The following PARVA variants were observed in gnomAD, a reference collection of about 807,000 sequenced individuals.
PARVA encodes parvin alpha.
Under a neutral mutation model 52.6 loss-of-function variants are expected in PARVA, and 25 were observed. The observed-to-expected ratio is 0.48, with a 90% CI of 0.35 to 0.66. The LOEUF (loss-of-function observed/expected upper bound fraction) is 0.66, where lower values mean the gene tolerates loss of function less well. PARVA is among the 30% of genes least tolerant of loss of function. The pLI is 0.01. For synonymous variants in PARVA, 185 were observed against 179.1 expected, an observed-to-expected ratio of 1.03 and a Z score of -0.26; for missense variants, 373 against 450.9, an observed-to-expected ratio of 0.83 and a Z score of 1.56.
At chr11:12,417,803 C>T (rs1385597445) in intron 1 of PARVA, among the ~76,000 whole-genome samples, 1 of 152,206 alleles carries the variant, frequency 6.6e-6, no homozygotes, top group Non-Finnish European at 1.5e-5. Flanking sequence ...CCCCCGGGTG[C>T]CAAGCCTTCC....
chr11:12,469,503 T>C (rs999149091), intron 1 of PARVA, among the ~76,000 whole-genome samples: 3 of 152,214 alleles, frequency 2.0e-5, no homozygotes, highest in Admixed American at 2.0e-4. Context: ...CTCTTTCTCT[T>C]TCAGTGCGTG....
rs1421470990 is a variant in PARVA at position 12,535,240 on chromosome 11, C to A, written c.*7315C>A. 6.6e-6 allele frequency among the ~76,000 whole-genome samples: 1 copy of A among 152,214 alleles called. No individual in the cohort carries two copies. Among genetic ancestry groups the A allele is most frequent in the East Asian group, 1.9e-4 (1 of 5,194 alleles). On this transcript the variant is annotated 3_prime_UTR_variant, in exon 13 of 13. Coordinates refer to ENST00000334956, the MANE Select transcript of PARVA (RefSeq NM_018222.5). ...CCTGTGAGGGAGACCAAGCTCACCA[C>A]CAAGGGCTTTTGCCAGATTGCTTTC...
chr11:12,419,816 A>G (rs1391897023), intron 1 of PARVA, among the ~76,000 whole-genome samples: 2 of 152,202 alleles, frequency 1.3e-5, no homozygotes, highest in African/African-American at 2.4e-5. Context: ...CCTAATGGAT[A>G]TGAAGCAGAG....
intron 12 of PARVA, 126 bp downstream of exon 12, chr11:12,518,643 G>T (rs1305625326): frequency 1.4e-6 from 1 of 724,316 alleles, no homozygotes; most frequent in Middle Eastern, 2.5e-4. Context: ...GTGGGACTCG[G>T]TGCAGCTGCT....
chr11:12,532,404 G>A lies in PARVA; in HGVS notation c.*4479G>A, dbSNP rs1014192962. On this transcript the variant is annotated 3_prime_UTR_variant, in exon 13 of 13. Coordinates refer to ENST00000334956, the MANE Select transcript of PARVA (RefSeq NM_018222.5). ...GACTTTCTAAGGGAAGACGGGGTAC[G>A]ATGGGTCCCAATCTTGTTTGATCAC... is the stretch of plus-strand genomic sequence containing the variant. Among the ~76,000 whole-genome samples the A allele has an allele frequency of 6.6e-6, 1 of 152,116 alleles. No individual in the cohort carries two copies.
intron 9 of PARVA, 119 bp from the exon 10 acceptor site, chr11:12,513,878 G>C: frequency 1.1e-6 from 1 of 882,342 alleles, no homozygotes. Context: ...AGGGCTCTTG[G>C]CTGGGCCTGA....
intron 1 of PARVA, among the ~76,000 whole-genome samples, chr11:12,423,956 T>G (rs1242059070): frequency 2.0e-5 from 3 of 152,218 alleles, no homozygotes; most frequent in Admixed American, 6.5e-5. Context: ...TTTATTAATT[T>G]TGCCAGTCAT....
At chr11:12,377,961 A>C (rs1752941583) in intron 1 of PARVA, among the ~76,000 whole-genome samples, 178 bp downstream of exon 1, 1 of 148,036 alleles carries the variant, frequency 6.8e-6, no homozygotes, top group Non-Finnish European at 1.5e-5. Flanking sequence ...CGCACCCCAC[A>C]CTGAGCCCGG....
intron 1 of PARVA, among the ~76,000 whole-genome samples, chr11:12,449,148 T>G (rs1940588586): frequency 6.6e-6 from 1 of 151,798 alleles, no homozygotes; most frequent in South Asian, 2.1e-4. Context: ...ATTTATTTAT[T>G]TATTTTTATT....
Position 12,533,425 on chromosome 11 carries a change from T to C in PARVA, c.*5500T>C, listed in dbSNP as rs1941796751. Among the ~76,000 whole-genome samples, 1 of 152,200 alleles carries C rather than the reference T, an allele frequency of 6.6e-6. No homozygotes were observed. The highest frequency in any genetic ancestry group is 1.5e-5 in the Non-Finnish European group (1 of 68,040). On this transcript the variant is annotated 3_prime_UTR_variant, in exon 13 of 13. Coordinates refer to ENST00000334956, the MANE Select transcript of PARVA (RefSeq NM_018222.5). ...AAAATTCATACTAATCAGCATGAAC[T>C]ATAACTGCTCCAATGCCCACCACAT...
chr11:12,427,400 C>T (rs1940252464), intron 1 of PARVA, among the ~76,000 whole-genome samples: 1 of 152,168 alleles, frequency 6.6e-6, no homozygotes, highest in Non-Finnish European at 1.5e-5. Context: ...TCTTCATGAC[C>T]CTGTTCAAAT....
At chr11:12,405,680 G>C (rs907960980) in intron 1 of PARVA, among the ~76,000 whole-genome samples, 2 of 152,150 alleles carry the variant, frequency 1.3e-5, no homozygotes, top group Admixed American at 6.5e-5. Flanking sequence ...ATTAGAGCTG[G>C]ACACAGTGGC....
At chr11:12,472,351 G>C (rs1331210379) in intron 1 of PARVA, among the ~76,000 whole-genome samples, 1 of 152,220 alleles carries the variant, frequency 6.6e-6, no homozygotes, top group East Asian at 1.9e-4. Context: ...CTTGATTTAA[G>C]CTTTGAAGGT....
At chr11:12,380,810 C>G (rs192334986) in intron 1 of PARVA, among the ~76,000 whole-genome samples, 34 of 152,294 alleles carry the variant, frequency 2.2e-4, no homozygotes, top group African/African-American at 7.7e-4. Context: ...TCTAACTATT[C>G]TGCCAGCCAC....
chr11:12,517,303 A>ACCCCCCCCCCCCCCCCCCCCCCCC (rs1564869136), intron 10 of PARVA, among the ~76,000 whole-genome samples: 1 of 112,486 alleles, frequency 8.9e-6, no homozygotes, highest in Non-Finnish European at 1.8e-5. Flanking sequence ...AGCCACACTG[A>ACCCCCCCCCCCCCCCCCCCCCCCC]CCACCCCCCA....
At chr11:12,498,118 A>G (rs1049214651) in intron 5 of PARVA, among the ~76,000 whole-genome samples, 13 of 151,876 alleles carry the variant, frequency 8.6e-5, no homozygotes, top group African/African-American at 2.9e-4. Flanking sequence ...ACTGCAACCT[A>G]CGCCTCCCAG....
chr11:12,485,401 A>G (rs1041489707), intron 4 of PARVA, among the ~76,000 whole-genome samples: 4 of 152,116 alleles, frequency 2.6e-5, no homozygotes, highest in Non-Finnish European at 4.4e-5. Flanking sequence ...AGAAATGGCT[A>G]ATTTTAGACC....
intron 1 of PARVA, among the ~76,000 whole-genome samples, chr11:12,471,943 C>G (rs78555056): frequency 3.7e-4 from 57 of 152,272 alleles, no homozygotes; most frequent in Non-Finnish European, 7.5e-4. Flanking sequence ...TCACTCCTTG[C>G]GTAGCAATGC....
intron 1 of PARVA, among the ~76,000 whole-genome samples, chr11:12,401,113 C>G (rs930291027): frequency 6.6e-6 from 1 of 152,206 alleles, no homozygotes; most frequent in Admixed American, 6.5e-5. Context: ...CCAGGGTATT[C>G]CATCACGGTC....
Sources: gnomAD v4.1 joint callset for allele counts (sites outside exome capture counted in the v4.1 genomes callset) on GRCh38, gnomAD v4.1.1 for gene constraint, MANE v1.5 for transcripts, NCBI Gene and HGNC (gene_info 2026-07-23, HGNC 2026-07-21) for gene names.